The following CCDC171 variants were observed in gnomAD, a reference collection of about 807,000 sequenced individuals.
The protein encoded by CCDC171 is coiled-coil domain-containing protein 171.
Under a neutral mutation model 168.2 loss-of-function variants are expected in CCDC171, and 177 were observed. The ratio of observed to expected loss-of-function variants is 1.05; its 90% CI spans 0.93 to 1.19. The LOEUF is 1.19. CCDC171 is among the 50% of genes most tolerant of loss of function. The pLI is 0.00. For missense variants in CCDC171, 1,991 were observed against 1,539.0 expected (o/e 1.29, Z -4.91); for synonymous variants, 687 against 540.8 (o/e 1.27, Z -3.75).
At chr9:15,838,000 C>T (rs1386270357) in intron 21 of CCDC171, among the ~76,000 whole-genome samples, 1 of 151,834 alleles carries the variant, frequency 6.6e-6, no homozygotes, top group Admixed American at 6.6e-5. Flanking sequence ...TTACTGAGTT[C>T]AATTGTTAAT....
the CCDC171 span, among the ~76,000 whole-genome samples, chr9:16,097,160 G>A: frequency 6.6e-6 from 1 of 152,122 alleles, no homozygotes; most frequent in South Asian, 2.1e-4. Flanking sequence ...TCATGCTGAG[G>A]CTCCCCAGCC....
rs530890324 is a variant in CCDC171, at chr9:15,729,747, A to G, written c.1998A>G (p.Glu666=). The change falls in exon 16 of 26, where the codon GAA becomes GAG. Residue 666 remains glutamate, a synonymous_variant. Coordinates refer to ENST00000380701, the MANE Select transcript of CCDC171 (RefSeq NM_173550.4). ...GCTGCTGGCACAGACAAAAGAAGGA[A>G]CTAGAGCTGCAGTATTCTGAACTCT... ...QESCWHRQKK[E]LELQYSELFL... 1 of 1,613,382 alleles carries G rather than the reference A, an allele frequency of 6.2e-7. No individual in the cohort carries two copies. Among genetic ancestry groups the G allele is most frequent in the Middle Eastern group, 1.7e-4 (1 of 6,054 alleles).
At chr9:15,970,836 A>G (rs1831284628) in intron 25 of CCDC171, among the ~76,000 whole-genome samples, 1 of 152,198 alleles carries the variant, frequency 6.6e-6, no homozygotes, top group Non-Finnish European at 1.5e-5. Flanking sequence ...GATGGAAACA[A>G]TAGAGACTGA....
chr9:15,649,820 C>G lies in CCDC171; in HGVS notation c.823-7307C>G, dbSNP rs375457919. 1.9e-4 allele frequency among the ~76,000 whole-genome samples: 29 copies of G among 152,206 alleles called. 2 individuals are homozygous for G. The highest frequency in any genetic ancestry group is 1.0e-3 in the Admixed American group (16 of 15,280). On this transcript the variant is annotated intron_variant, in intron 7 of 25. Transcript: ENST00000380701. ...TTGGAAGGACTGTAAACTAATTTAA[C>G]CATTGTGGAAGACAGTGTGGCAATT...
At chr9:15,812,337 G>C (rs1161118967) in intron 21 of CCDC171, among the ~76,000 whole-genome samples, 1 of 152,106 alleles carries the variant, frequency 6.6e-6, no homozygotes, top group Non-Finnish European at 1.5e-5. Context: ...ATAGAAACAG[G>C]GAAACTGGTA....
intron 1 of CCDC171, among the ~76,000 whole-genome samples, chr9:16,050,455 AGAT>A (rs55841061): frequency 0.64 from 97,498 of 151,830 alleles, 34,330 homozygotes; most frequent in East Asian, 0.89. Context: ...GTAAAAATGC[AGAT>A]GAACAATACA....
At chr9:16,068,308 G>T in the CCDC171 span, among the ~76,000 whole-genome samples, 1 of 151,766 alleles carries the variant, frequency 6.6e-6, no homozygotes, top group Non-Finnish European at 1.5e-5. Context: ...AAATAAAAGA[G>T]GATACAAACA....
At chr9:15,618,440 C>T (rs535488226) in intron 6 of CCDC171, among the ~76,000 whole-genome samples, 19 of 152,346 alleles carry the variant, frequency 1.2e-4, no homozygotes, top group Middle Eastern at 3.4e-3. Flanking sequence ...GCCAGTGGTT[C>T]TTAGCTTGCT....
At chr9:15,851,091 T>C (rs2061107822) in intron 23 of CCDC171, among the ~76,000 whole-genome samples, 2 of 151,984 alleles carry the variant, frequency 1.3e-5, no homozygotes, top group African/African-American at 4.8e-5. Flanking sequence ...GCAGACGTTA[T>C]TTCTTTTCTT....
intron 3 of CCDC171, among the ~76,000 whole-genome samples, chr9:15,577,766 G>C (rs2040787312): frequency 6.6e-6 from 1 of 152,210 alleles, no homozygotes; most frequent in African/African-American, 2.4e-5. Context: ...AGGTTGATTA[G>C]AGCTAGAACT....
intron 21 of CCDC171, among the ~76,000 whole-genome samples, chr9:15,814,086 GA>G (rs2059465320): frequency 6.6e-6 from 1 of 152,136 alleles, no homozygotes; most frequent in African/African-American, 2.4e-5. Context: ...TTTGGAAAGG[GA>G]TAATTTTGCT....
intron 22 of CCDC171, among the ~76,000 whole-genome samples, chr9:15,847,568 C>T (rs1311969367): frequency 6.6e-6 from 1 of 151,928 alleles, no homozygotes; most frequent in East Asian, 1.9e-4. Flanking sequence ...GTTCTTTGTA[C>T]AACAGCATGG....
intron 24 of CCDC171, among the ~76,000 whole-genome samples, chr9:15,902,283 C>T (rs1054901790): frequency 6.9e-4 from 102 of 148,016 alleles, no homozygotes; most frequent in Non-Finnish European, 3.9e-4. Flanking sequence ...TATATATATA[C>T]ACACACACAC....
chr9:15,700,535 C>G (rs1047755245), intron 11 of CCDC171, among the ~76,000 whole-genome samples: 1 of 152,250 alleles, frequency 6.6e-6, no homozygotes, highest in Non-Finnish European at 1.5e-5. Flanking sequence ...CGCCAAGGTT[C>G]GAGCCCAGGC....
At chr9:15,891,020 A>G (rs1422739312) in intron 24 of CCDC171, among the ~76,000 whole-genome samples, 18 of 152,170 alleles carry the variant, frequency 1.2e-4, no homozygotes, top group Non-Finnish European at 2.9e-5. Flanking sequence ...TTCTTCAGGT[A>G]TATTGAAAAT....
intron 7 of CCDC171, among the ~76,000 whole-genome samples, chr9:15,635,314 A>G (rs910386778): frequency 1.3e-5 from 2 of 152,184 alleles, no homozygotes; most frequent in Non-Finnish European, 2.9e-5. Context: ...AGCCATTCAT[A>G]TATCTTCTTT....
chr9:15,695,889 C>G (rs1023644370), intron 11 of CCDC171, among the ~76,000 whole-genome samples: 2 of 152,076 alleles, frequency 1.3e-5, no homozygotes, highest in Non-Finnish European at 2.9e-5. Context: ...TGATAAAGAG[C>G]TATAAAATTA....
chr9:15,675,351 TG>T (rs2049463737), intron 9 of CCDC171, among the ~76,000 whole-genome samples: 1 of 152,132 alleles, frequency 6.6e-6, no homozygotes, highest in South Asian at 2.1e-4. Context: ...GTCTTTTACT[TG>T]GGACATTTAG....
At position 15,641,570 on chromosome 9, in the gene CCDC171, T is replaced by C. The variant is rs1445438908; in HGVS notation, c.823-15557T>C. ...ATGTTTGGTTAGTTCTGCTGCTGAA[T>C]TGGAGTCTTCAGCTCATTCCTGGTT... On this transcript the variant is annotated intron_variant, in intron 7 of 25. Coordinates refer to ENST00000380701, the MANE Select transcript of CCDC171 (RefSeq NM_173550.4). Among the ~76,000 whole-genome samples, 4 of 152,208 alleles carry C rather than the reference T, an allele frequency of 2.6e-5. No homozygotes were observed. In the East Asian group the frequency reaches 7.7e-4, roughly 29 times the overall value.
Sources: gnomAD v4.1 joint callset for allele counts (sites outside exome capture counted in the v4.1 genomes callset) on GRCh38, gnomAD v4.1.1 for gene constraint, MANE v1.5 for transcripts, NCBI Gene and HGNC (gene_info 2026-07-23, HGNC 2026-07-21) for gene names.